Variants in FBRSL1 observed in about 807,000 individuals in gnomAD.
FBRSL1 encodes fibrosin like 1.
Under a neutral mutation model 89.6 loss-of-function variants are expected in FBRSL1, and 51 were observed. The ratio of observed to expected loss-of-function variants is 0.57; its 90% confidence interval spans 0.45 to 0.72. The LOEUF (loss-of-function observed/expected upper bound fraction) is 0.72. FBRSL1 is among the 30% of genes least tolerant of loss of function. FBRSL1 has a pLI of 0.00. For missense variants in FBRSL1, 1,618 were observed against 1,451.8 expected (o/e 1.11, Z -1.86); for synonymous variants, 779 against 681.1 (o/e 1.14, Z -2.24).
chr12:132,555,895 G>A (rs1358917011), intron 5 of FBRSL1, among the ~76,000 whole-genome samples: 1 of 152,100 alleles, frequency 6.6e-6, no homozygotes, highest in Non-Finnish European at 1.5e-5. Context: ...GCAGGCACTC[G>A]TGCCTGTGTA....
chr12:132,518,911 G>A (rs552462781), intron 2 of FBRSL1, among the ~76,000 whole-genome samples: 110 of 146,270 alleles, frequency 7.5e-4, no homozygotes, highest in African/African-American at 2.5e-3. Context: ...CCACCCACCC[G>A]TCTGTCCATC....
At chr12:132,503,102 C>A (rs1325083896) in intron 1 of FBRSL1, among the ~76,000 whole-genome samples, 1 of 149,708 alleles carries the variant, frequency 6.7e-6, no homozygotes, top group Non-Finnish European at 1.5e-5. Context: ...CCTCACAGTG[C>A]CCCGCCTCCC....
intron 5 of FBRSL1, among the ~76,000 whole-genome samples, chr12:132,557,993 G>T (rs1404629547): frequency 6.6e-6 from 1 of 152,136 alleles, no homozygotes; most frequent in Non-Finnish European, 1.5e-5. Context: ...AAGGGGCTGA[G>T]CTAGGGTTCT....
At chr12:132,575,094 T>G (rs12823302) in intron 14 of FBRSL1, among the ~76,000 whole-genome samples, 25,260 of 152,062 alleles carry the variant, frequency 0.17, 2,820 homozygotes, top group African/African-American at 0.33. Context: ...GGGGGACTGT[T>G]GCCTCAGCCC....
chr12:132,510,198 A>G, intron 2 of FBRSL1: 1 of 1,231,556 alleles, frequency 8.1e-7, no homozygotes, highest in Non-Finnish European at 1.0e-6. Context: ...CAAGCCCTGC[A>G]AACCCCAGCC....
At chr12:132,562,699 G>GAGGGGCCCACCTTCCTCCAGTGC (rs1404946387) in intron 5 of FBRSL1, among the ~76,000 whole-genome samples, 2 of 152,108 alleles carry the variant, frequency 1.3e-5, no homozygotes, top group East Asian at 3.9e-4. Context: ...GCTCCTTTCC[G>GAGGGGCCCACCTTCCTCCAGTGC]AGGGGCCCAC....
chr12:132,555,859 C>T (rs2038591950), intron 5 of FBRSL1, among the ~76,000 whole-genome samples: 1 of 152,192 alleles, frequency 6.6e-6, no homozygotes, highest in South Asian at 2.1e-4. Flanking sequence ...GGCTTGGGGC[C>T]TGCAGGCGGC....
intron 4 of FBRSL1, among the ~76,000 whole-genome samples, chr12:132,536,419 G>T (rs765995121): frequency 1.3e-5 from 2 of 151,810 alleles, no homozygotes; most frequent in African/African-American, 4.8e-5. Flanking sequence ...GTACATGATG[G>T]TGTGTGTGCC....
chr12:132,571,965 T>G, intron 9 of FBRSL1: 1 of 428,472 alleles, frequency 2.3e-6, no homozygotes. Context: ...AGTTTGTCAG[T>G]AACCCGGTGT....
intron 5 of FBRSL1, 74 bp downstream of exon 5, chr12:132,548,106 G>T: frequency 6.6e-7 from 1 of 1,509,996 alleles, no homozygotes; most frequent in South Asian, 1.2e-5. Context: ...CCTGTGAGGT[G>T]GGCCCTGGAG....
chr12:132,509,756 C>T lies in FBRSL1; in HGVS notation c.489+1406C>T, dbSNP rs1044778315. 6 of 1,231,274 alleles carry T rather than the reference C, an allele frequency of 4.9e-6. No individual in the cohort carries two copies. In the African/African-American group the frequency reaches 7.8e-5, roughly 16 times the overall value. The allele number at this position is 1,231,274 out of a possible 1,614,324, so 76.3% of individuals were successfully genotyped here. ...CGTGGGCCAGCCCGTGTCACTGTGG[C>T]CAGCCCGGTAGGGCATCCTCAGGAC... On this transcript the variant is annotated intron_variant, in intron 2 of 18. Coordinates refer to ENST00000680143, the MANE Select transcript of FBRSL1 (RefSeq NM_001367871.1).
intron 2 of FBRSL1, among the ~76,000 whole-genome samples, chr12:132,518,558 C>G (rs1487930541): frequency 2.0e-5 from 3 of 150,164 alleles, no homozygotes; most frequent in Non-Finnish European, 3.0e-5. Context: ...ACTTGTGCAT[C>G]CATCCATCTA....
In FBRSL1 at chr12:132,570,136, C is replaced by A; in HGVS notation, c.902C>A (p.Pro301Gln). 6.8e-7 allele frequency: 1 copy of A among 1,478,126 alleles called. No homozygotes were observed. The highest frequency in any genetic ancestry group is 8.9e-7 in the Non-Finnish European group (1 of 1,123,800). 91.6% of individuals were successfully genotyped at this position (1,478,126 alleles called of 1,614,324 possible). A position where few individuals can be genotyped will look rare whatever the true frequency, so the allele number is the denominator to read the frequency against. Residue 301 changes from proline to glutamine, a missense_variant, in exon 7 of 19, where the codon CCG becomes CAG. By Grantham distance (76) the Pro-to-Gln change is moderately conservative (BLOSUM62 -1). Transcript: ENST00000680143. ...PPAPHRHTPQPPPPQPRGLLP... is the reference protein window; with the variant it reads ...PPAPHRHTPQQPPPQPRGLLP... ...GCCCCGCACCGCCACACCCCGCAGC[C>A]GCCACCCCCGCAGCCCCGCGGCCTG... is the stretch of plus-strand genomic sequence containing the variant.
Position 132,583,353 on chromosome 12 carries a change from C to T in FBRSL1, c.2584C>T (p.Arg862Cys), listed in dbSNP as rs1054498179. 1.7e-6 allele frequency: 2 copies of T among 1,148,380 alleles called. No homozygotes were observed. Among genetic ancestry groups the T allele is most frequent in the Non-Finnish European group, 2.1e-6 (2 of 931,996 alleles). 71.1% of individuals were successfully genotyped at this position (1,148,380 alleles called of 1,614,324 possible). A position where few individuals can be genotyped will look rare whatever the true frequency, so the allele number is the denominator to read the frequency against. Reference sequence around the variant, plus strand: ...GCCTTTCCGCGGCCTGGAGCTGCCACGTCGCGCCTTCCCCGCTGCCGCCCC... The same window carrying T: ...GCCTTTCCGCGGCCTGGAGCTGCCATGTCGCGCCTTCCCCGCTGCCGCCCC... ...WEPFRGLELP[R>C]RAFPAAAPAP... is the part of the protein sequence containing the mutation. Residue 862 changes from arginine to cysteine, a missense_variant, in exon 19 of 19, where the codon CGT (arginine) becomes TGT (cysteine). Coordinates refer to ENST00000680143, the MANE Select transcript of FBRSL1 (RefSeq NM_001367871.1).
chr12:132,564,526 C>A (rs141323965), intron 5 of FBRSL1, among the ~76,000 whole-genome samples: 3 of 149,450 alleles, frequency 2.0e-5, no homozygotes, highest in Non-Finnish European at 4.4e-5. Context: ...GACGGAGTCT[C>A]GCTCTGTCGC....
At chr12:132,525,366 A>G (rs1346998657) in intron 2 of FBRSL1, among the ~76,000 whole-genome samples, 1 of 152,208 alleles carries the variant, frequency 6.6e-6, no homozygotes, top group Non-Finnish European at 1.5e-5. Context: ...TAGCACCCCC[A>G]GGATGCCTTC....
At chr12:132,509,383 AAC>A in intron 2 of FBRSL1, 1 of 1,241,706 alleles carries the variant, frequency 8.1e-7, no homozygotes, top group Non-Finnish European at 1.0e-6. Flanking sequence ...CTGGGCCTGA[AAC>A]AGCCCTGCCA....
rs114931993 is a variant in FBRSL1 at position 132,581,527 on chromosome 12, C to A, written c.1912+11C>A. 2 of 1,550,556 alleles carry A rather than the reference C, an allele frequency of 1.3e-6. No individual in the cohort carries two copies. The highest frequency in any genetic ancestry group is 2.0e-5 in the Admixed American group (1 of 50,976). Reference sequence around the variant, plus strand: ...CTGGCCCCCTGACAGGTGGGTGTCTCTGAATTCAGCCCACGCAGCCTGGCT... The same window carrying A: ...CTGGCCCCCTGACAGGTGGGTGTCTATGAATTCAGCCCACGCAGCCTGGCT... On this transcript the variant is annotated intron_variant, in intron 16 of 18. Coordinates refer to ENST00000680143, the MANE Select transcript of FBRSL1 (RefSeq NM_001367871.1).
chr12:132,540,592 T>A (rs986260103), intron 4 of FBRSL1, among the ~76,000 whole-genome samples: 4 of 151,706 alleles, frequency 2.6e-5, no homozygotes, highest in African/African-American at 9.7e-5. Flanking sequence ...CTCAGTGGAC[T>A]CCACACGCCC....
Sources: gnomAD v4.1 joint callset for allele counts (sites outside exome capture counted in the v4.1 genomes callset) on GRCh38, gnomAD v4.1.1 for gene constraint, MANE v1.5 for transcripts, NCBI Gene and HGNC (gene_info 2026-07-23, HGNC 2026-07-21) for gene names.